The following TJP2 variants were observed in gnomAD, a reference collection of about 807,000 sequenced individuals.
The protein encoded by TJP2 is tight junction protein 2, also known as Friedreich ataxia region gene X104 (tight junction protein ZO-2).
Under a neutral mutation model 133.1 loss-of-function variants are expected in TJP2, and 91 were observed. That is an observed-to-expected ratio of 0.68 (90% CI 0.58 to 0.81). The LOEUF (loss-of-function observed/expected upper bound fraction) is 0.81. Among genes scored for constraint, TJP2 ranks in the 40% least tolerant of loss-of-function variants. TJP2 has a pLI of 0.00. For missense variants in TJP2, 1,541 were observed against 1,565.6 expected, an observed-to-expected ratio of 0.98 and a Z score of 0.26; for synonymous variants, 592 against 583.4, an observed-to-expected ratio of 1.01 and a Z score of -0.21.
At chr9:69,215,299 T>G (rs139926107) in intron 2 of TJP2, among the ~76,000 whole-genome samples, 30 of 148,610 alleles carry the variant, frequency 2.0e-4, no homozygotes, top group African/African-American at 7.3e-4. Context: ...AACCTGCACA[T>G]GTACTCCTGA....
At chr9:69,171,835 C>T (rs1037247938), upstream of TJP2, among the ~76,000 whole-genome samples, 1 of 114,596 alleles carries the variant, frequency 8.7e-6, no homozygotes, top group African/African-American at 3.3e-5. Context: ...CTCGCTCTGT[C>T]ACCAGGCTGG....
At chr9:69,208,734 C>T (rs893029135) in intron 1 of TJP2, among the ~76,000 whole-genome samples, 4 of 152,048 alleles carry the variant, frequency 2.6e-5, no homozygotes, top group African/African-American at 9.7e-5. Context: ...GTAGCATTGC[C>T]CAATCCTGGG....
chr9:69,223,648 A>G (rs1829093796), intron 5 of TJP2, among the ~76,000 whole-genome samples: 1 of 135,846 alleles, frequency 7.4e-6, no homozygotes, highest in African/African-American at 3.3e-5. Flanking sequence ...TTGTTGAAAA[A>G]TGCCAGAGAG....
intron 1 of TJP2, among the ~76,000 whole-genome samples, chr9:69,181,964 TTCTTCC>T (rs1005203079): frequency 1.4e-4 from 21 of 152,182 alleles, no homozygotes; most frequent in South Asian, 4.1e-4. Context: ...TTGAGAATCC[TTCTTCC>T]TCTTCCTCTT....
intron 5 of TJP2, among the ~76,000 whole-genome samples, chr9:69,223,070 A>G (rs1211724483): frequency 1.3e-3 from 2 of 1,500 alleles, no homozygotes; most frequent in African/African-American, 5.0e-3. Flanking sequence ...CTCTGTCTTG[A>G]AAAAAAAAAA....
intron 1 of TJP2, among the ~76,000 whole-genome samples, chr9:69,183,945 G>T (rs1825683859): frequency 6.6e-6 from 1 of 152,122 alleles, no homozygotes; most frequent in Admixed American, 6.5e-5. Flanking sequence ...CAACTCCTGA[G>T]TTCAAGCAGT....
chr9:69,171,814 T>TTG (rs58061947), upstream of TJP2, among the ~76,000 whole-genome samples: 1 of 140,076 alleles, frequency 7.1e-6, no homozygotes, highest in African/African-American at 2.7e-5. Flanking sequence ...TTTTTTTTTT[T>TTG]GAGACGGAAT....
chr9:69,146,807 C>T (rs571407501), intron 1 of TJP2, among the ~76,000 whole-genome samples: 1 of 152,168 alleles, frequency 6.6e-6, no homozygotes, highest in Admixed American at 6.5e-5. Flanking sequence ...GCCCAACATC[C>T]CACAAGGTAC....
rs144510761 is a variant in TJP2 at position 69,129,198 on chromosome 9, T to C, written c.-131+7473T>C. ...ACGGACTAGTGTACATGGTGGACAT[T>C]TTAAACTCTTTCACCAAAATATTTA... is the stretch of plus-strand genomic sequence containing the variant. On this transcript the variant is annotated intron_variant, in intron 1 of 5. Coordinates refer to the TJP2 transcript ENST00000423935. Among the ~76,000 whole-genome samples the C allele has an allele frequency of 7.6e-4, 115 of 152,300 alleles. 1 individual carries two copies. Among genetic ancestry groups the C allele is most frequent in the African/African-American group, 2.7e-3 (112 of 41,570 alleles).
In TJP2 at chr9:69,130,092, C is replaced by T. The variant is rs556244478; in HGVS notation, c.-131+8367C>T. 9.6e-4 allele frequency among the ~76,000 whole-genome samples: 145 copies of T among 151,632 alleles called. 1 individual carries two copies. The highest frequency in any genetic ancestry group is 3.4e-3 in the African/African-American group (141 of 41,380). On this transcript the variant is annotated intron_variant, in intron 1 of 5. Transcript: ENST00000423935. The stretch of plus-strand genomic sequence containing the variant: ...GAGTAGATTAATAAGACATTTTTCA[C>T]GAGTCAGTGCATTTTTGTTCCTTGT...
rs753075724 is a variant in TJP2 at position 69,254,218 on chromosome 9, C to T, written c.3417C>T (p.Pro1139=). 6.2e-7 allele frequency: 1 copy of T among 1,614,200 alleles called. No individual in the cohort carries two copies. The highest frequency in any genetic ancestry group is 8.5e-7 in the Non-Finnish European group (1 of 1,180,046). Reference sequence around the variant, plus strand: ...ACCCTTTTTTTGTTAGTTCCAGACCCCCTGAGCCACAGAAAGCTCCTTCCA... The same window carrying T: ...ACCCTTTTTTTGTTAGTTCCAGACCTCCTGAGCCACAGAAAGCTCCTTCCA... ...PGTPQHTSSR[P]PEPQKAPSRP... Residue 1139 remains proline, a synonymous_variant, in exon 23 of 23, where the codon CCC becomes CCT. Coordinates refer to ENST00000377245, the MANE Select transcript of TJP2 (RefSeq NM_004817.4).
At chr9:69,200,296 C>G (rs569080812) in intron 1 of TJP2, among the ~76,000 whole-genome samples, 105 of 152,336 alleles carry the variant, frequency 6.9e-4, no homozygotes, top group African/African-American at 2.4e-3. Flanking sequence ...GAGGGAGCCT[C>G]CCTGTGGTTG....
chr9:69,202,588 A>G (rs888904824), intron 1 of TJP2, among the ~76,000 whole-genome samples: 1 of 152,236 alleles, frequency 6.6e-6, no homozygotes, highest in Non-Finnish European at 1.5e-5. Flanking sequence ...TGCTATATGT[A>G]TTATATACTG....
chr9:69,149,675 G>A lies in TJP2; in HGVS notation c.-130-1976G>A, dbSNP rs999494669. Among the ~76,000 whole-genome samples, 7 of 152,268 alleles carry A rather than the reference G, an allele frequency of 4.6e-5. No homozygotes were observed. In the South Asian group the frequency reaches 1.0e-3, roughly 23 times the overall value. The stretch of plus-strand genomic sequence containing the variant: ...CTGAAAGTTTTTCCTGTGACTGCCC[G>A]AGTGAAGCTGCCTTCACAAGCTCAA... On this transcript the variant is annotated intron_variant, in intron 1 of 5. Transcript: ENST00000423935.
intron 1 of TJP2, chr9:69,122,236 A>G (rs1822177062): frequency 6.6e-6 from 1 of 152,264 alleles, no homozygotes; most frequent in Non-Finnish European, 1.5e-5. Context: ...TGGCGCAGCC[A>G]ACTGCATCGG....
At chr9:69,246,431 CT>C in intron 17 of TJP2, 3 of 448,710 alleles carry the variant, frequency 6.7e-6, no homozygotes, top group Non-Finnish European at 1.2e-5. Flanking sequence ...AAAAGTTAGC[CT>C]TTCTGAAAAT....
chr9:69,147,797 TGAGA>T (rs1031652828), intron 1 of TJP2, among the ~76,000 whole-genome samples: 1 of 152,180 alleles, frequency 6.6e-6, no homozygotes, highest in South Asian at 2.1e-4. Context: ...GCCTTTTTTT[TGAGA>T]GAGAGAACGT....
At chr9:69,207,861 A>G (rs1827558101) in intron 1 of TJP2, among the ~76,000 whole-genome samples, 1 of 152,200 alleles carries the variant, frequency 6.6e-6, no homozygotes, top group Non-Finnish European at 1.5e-5. Context: ...TGATGTTCTG[A>G]GGAATAAGGA....
chr9:69,185,751 T>A (rs1266221337), intron 1 of TJP2, among the ~76,000 whole-genome samples: 1 of 152,186 alleles, frequency 6.6e-6, no homozygotes, highest in South Asian at 2.1e-4. Context: ...ATAAATGAGA[T>A]GGAAGATTTT....
Sources: allele counts gnomAD v4.1 joint callset (sites outside exome capture counted in the v4.1 genomes callset), GRCh38; gene constraint gnomAD v4.1.1; transcripts MANE v1.5; gene names NCBI Gene and HGNC (gene_info 2026-07-23, HGNC 2026-07-21).